DEFB114: variants seen among roughly 807,000 people sequenced by gnomAD.
DEFB114 encodes defensin beta 114, also known as beta-defensin 114.
A neutral mutation model predicts 2.4 loss-of-function variants in DEFB114; 4 were observed. The observed-to-expected ratio is 1.67, with a 90% CI of 0.82 to 3.82. DEFB114 has a LOEUF of 3.82. Among genes scored for constraint, DEFB114 ranks in the 30% most tolerant of loss-of-function variants. The pLI is 0.01. For missense variants in DEFB114, 113 were observed against 85.8 expected, an observed-to-expected ratio of 1.32 and a Z score of -1.25; for synonymous variants, 35 against 24.6, an observed-to-expected ratio of 1.42 and a Z score of -1.26.
intron 1 of DEFB114, among the ~76,000 whole-genome samples, chr6:49,962,249 T>C (rs1425092883): frequency 5.3e-5 from 8 of 150,570 alleles, no homozygotes; most frequent in Middle Eastern, 6.9e-3. Flanking sequence ...ATCTAAGAAA[T>C]GCTTGATATT....
intron 1 of DEFB114, among the ~76,000 whole-genome samples, chr6:49,963,799 G>A (rs1465112246): frequency 6.7e-6 from 1 of 149,654 alleles, no homozygotes; most frequent in Non-Finnish European, 1.5e-5. Context: ...ATATCTAGAA[G>A]AAAACTCAGT....
chr6:49,962,886 T>C lies in DEFB114; in HGVS notation c.55+1165A>G, dbSNP rs141191131. Among the ~76,000 whole-genome samples, 837 of 150,410 alleles carry C rather than the reference T, an allele frequency of 5.6e-3. 5 individuals carry two copies. The highest frequency in any genetic ancestry group is 0.019 in the African/African-American group (780 of 41,368). On this transcript the variant is annotated intron_variant, in intron 1 of 1. Transcript: ENST00000322066. Reference sequence around the variant, plus strand: ...TTCTGGGTTCTCTATTCTCCATTGATTTATTCAAAAATTTATATGTATTAG... The same window carrying C: ...TTCTGGGTTCTCTATTCTCCATTGACTTATTCAAAAATTTATATGTATTAG...
intron 1 of DEFB114, among the ~76,000 whole-genome samples, chr6:49,963,383 T>C (rs1773493695): frequency 6.7e-6 from 1 of 150,128 alleles, no homozygotes; most frequent in Non-Finnish European, 1.5e-5. Context: ...AAACAAAATG[T>C]GGCCTTCTTT....
intron 1 of DEFB114, 110 bp from the exon 2 acceptor site, chr6:49,960,556 A>G (rs1773441178): frequency 4.3e-6 from 5 of 1,169,144 alleles, no homozygotes; most frequent in Non-Finnish European, 5.8e-6. Context: ...AAAATACCAA[A>G]AAAAAATAAA....
At chr6:49,964,002 A>T (rs1773502719) in intron 1 of DEFB114, 49 bp downstream of exon 1, 1 of 1,334,142 alleles carries the variant, frequency 7.5e-7, no homozygotes, top group Non-Finnish European at 1.0e-6. Context: ...TATTATTTCT[A>T]TTTCTAGTGA....
chr6:49,960,362 A>C lies in DEFB114; in HGVS notation c.140T>G (p.Ile47Arg). 1 of 1,608,516 alleles carries C rather than the reference A, an allele frequency of 6.2e-7. No homozygotes were observed. Among genetic ancestry groups the C allele is most frequent in the South Asian group, 1.1e-5 (1 of 90,836 alleles). Residue 47 changes from isoleucine to arginine, a missense_variant, in exon 2 of 2, where the codon ATA (isoleucine) becomes AGA (arginine). Ile to Arg is a moderately conservative substitution (Grantham distance 97). Transcript: ENST00000322066. The stretch of plus-strand genomic sequence containing the variant: ...TTTTCTTGGTAAGGAACATATGTCT[A>C]TTTGCTTTTCACTCTCAAGACAGTC... The part of the protein sequence containing the change: ...KRDCLESEKQ[I>R]DICSLPRKIC...
chr6:49,960,481 T>C, intron 1 of DEFB114, 35 bp from the exon 2 acceptor site: 1 of 1,564,750 alleles, frequency 6.4e-7, no homozygotes, highest in Non-Finnish European at 8.6e-7. Flanking sequence ...AATTCTAATC[T>C]TTTATTTAAG....
intron 1 of DEFB114, among the ~76,000 whole-genome samples, chr6:49,961,838 G>A (rs777469169): frequency 4.0e-5 from 6 of 150,538 alleles, no homozygotes; most frequent in Non-Finnish European, 9.0e-5. Context: ...GTTTAAGCCT[G>A]CTCATTTTAA....
rs1320809006 is a variant in DEFB114, at chr6:49,961,772, A to C, written c.56-1326T>G. ...TTCCGGCACACTTGTGCCCCCTTAC[A>C]GTTACTATTCCTTTCACTCTTTCAG... On this transcript the variant is annotated intron_variant, in intron 1 of 1. Coordinates refer to ENST00000322066, the MANE Select transcript of DEFB114 (RefSeq NM_001037499.2). Among the ~76,000 whole-genome samples, 7 of 150,800 alleles carry C rather than the reference A, an allele frequency of 4.6e-5. No individual in the cohort carries two copies. The South Asian group carries it at 1.5e-3, about 31-fold the overall frequency.
intron 1 of DEFB114, among the ~76,000 whole-genome samples, chr6:49,962,290 A>G (rs1200502463): frequency 1.3e-5 from 2 of 150,512 alleles, no homozygotes; most frequent in Admixed American, 6.6e-5. Context: ...GTGAATGTAG[A>G]CACCTCATAT....
chr6:49,960,872 G>T (rs909077992), intron 1 of DEFB114, among the ~76,000 whole-genome samples: 1 of 150,730 alleles, frequency 6.6e-6, no homozygotes, highest in South Asian at 2.1e-4. Context: ...TATGATAGTT[G>T]TAAAAAAGTT....
intron 1 of DEFB114, among the ~76,000 whole-genome samples, chr6:49,961,586 A>G (rs933442217): frequency 2.7e-5 from 4 of 150,856 alleles, no homozygotes; most frequent in Non-Finnish European, 6.0e-5. Flanking sequence ...GTGTAATAGA[A>G]ACAGCAGATG....
chr6:49,961,799 T>TA (rs200522599), intron 1 of DEFB114, among the ~76,000 whole-genome samples: 46 of 150,222 alleles, frequency 3.1e-4, no homozygotes, highest in African/African-American at 9.5e-4. Context: ...CTCTTTCAGT[T>TA]AAAAAAAAAT....
rs1350590854 is a variant in DEFB114 at position 49,960,368 on chromosome 6, T to G, written c.134A>C (p.Lys45Thr). Residue 45 changes from lysine to threonine, a missense_variant, in exon 2 of 2, where the codon AAG (lysine) becomes ACG (threonine). Lys to Thr is a moderately conservative substitution (Grantham distance 78, BLOSUM62 -1). Coordinates refer to ENST00000322066, the MANE Select transcript of DEFB114 (RefSeq NM_001037499.2). ...RCKRDCLESEKQIDICSLPRK... is the reference protein window; with the variant it reads ...RCKRDCLESETQIDICSLPRK... The stretch of plus-strand genomic sequence containing the variant: ...TGGTAAGGAACATATGTCTATTTGC[T>G]TTTCACTCTCAAGACAGTCTCTTTT... The G allele has an allele frequency of 1.2e-6, 2 of 1,608,656 alleles. No individual in the cohort carries two copies. Among genetic ancestry groups the G allele is most frequent in the Admixed American group, 3.4e-5 (2 of 59,536 alleles).
intron 1 of DEFB114, among the ~76,000 whole-genome samples, chr6:49,962,015 C>T (rs184785224): frequency 3.3e-5 from 5 of 150,584 alleles, no homozygotes; most frequent in Non-Finnish European, 4.5e-5. Context: ...TTAGCCTTAT[C>T]TGCTGATGAA....
Position 49,960,452 on chromosome 6 carries a change from G to C in DEFB114, c.56-6C>G, listed in dbSNP as rs1200976359. Reference sequence around the variant, plus strand: ...ATTCACCAAGGTACATGTGGCTACGGTAAAAGAAGAGTAACAGAAATTCTA... The same window carrying C: ...ATTCACCAAGGTACATGTGGCTACGCTAAAAGAAGAGTAACAGAAATTCTA... On this transcript the variant is annotated splice_region_variant and splice_polypyrimidine_tract_variant and intron_variant, in intron 1 of 1. Coordinates refer to ENST00000322066, the MANE Select transcript of DEFB114 (RefSeq NM_001037499.2). 27 of 1,578,150 alleles carry C rather than the reference G, an allele frequency of 1.7e-5. No homozygotes were observed. The highest frequency in any genetic ancestry group is 2.3e-5 in the Non-Finnish European group (27 of 1,166,374).
chr6:49,963,706 C>T (rs569110378), intron 1 of DEFB114, among the ~76,000 whole-genome samples: 4 of 149,692 alleles, frequency 2.7e-5, no homozygotes, highest in Non-Finnish European at 6.0e-5. Context: ...CATTCAGTTT[C>T]TCTAGGGTCT....
In DEFB114 at chr6:49,961,034, A is replaced by T. The variant is rs553746392; in HGVS notation, c.56-588T>A. Among the ~76,000 whole-genome samples the T allele has an allele frequency of 5.3e-3, 797 of 150,882 alleles. 12 individuals are homozygous for T. Among genetic ancestry groups the T allele is most frequent in the Non-Finnish European group, 5.9e-3 (397 of 67,160 alleles). On this transcript the variant is annotated intron_variant, in intron 1 of 1. Coordinates refer to ENST00000322066, the MANE Select transcript of DEFB114 (RefSeq NM_001037499.2). ...GTTGATTATATAACTGGAATTTTTTAAAATTAATAAGTTCATAAGAATTTT... is the reference window on the plus strand; with the variant it reads ...GTTGATTATATAACTGGAATTTTTTTAAATTAATAAGTTCATAAGAATTTT...
At chr6:49,960,573 T>C (rs775498451) in intron 1 of DEFB114, 127 bp from the exon 2 acceptor site, 24 of 923,822 alleles carry the variant, frequency 2.6e-5, no homozygotes, top group Non-Finnish European at 3.5e-5. Flanking sequence ...TAAATCCATG[T>C]ATATCTTATA....
Sources: gnomAD v4.1 joint callset for allele counts (sites outside exome capture counted in the v4.1 genomes callset) on GRCh38, gnomAD v4.1.1 for gene constraint, MANE v1.5 for transcripts, NCBI Gene and HGNC (gene_info 2026-07-23, HGNC 2026-07-21) for gene names.